Variants in NRCAM observed in about 807,000 individuals in gnomAD.
NRCAM encodes the protein neuronal cell adhesion molecule, also known as NgCAM-related cell adhesion molecule.
In NRCAM, 83 loss-of-function variants were observed where a neutral mutation model predicts 156.5. The observed-to-expected ratio is 0.53, with a 90% confidence interval of 0.44 to 0.64. The LOEUF (loss-of-function observed/expected upper bound fraction) is 0.64. NRCAM is among the 30% of genes least tolerant of loss of function. The pLI is 0.00. For synonymous variants in NRCAM, 538 were observed against 563.9 expected, an observed-to-expected ratio of 0.95 and a Z score of 0.65; for missense variants, 1,417 against 1,597.3, an observed-to-expected ratio of 0.89 and a Z score of 1.92.
chr7:108,156,713 G>A lies in NRCAM; in HGVS notation c.3677+2750C>T, dbSNP rs984397411. 3 of 152,204 alleles carry A rather than the reference G, an allele frequency of 2.0e-5. No homozygotes were observed. The East Asian group carries it at 5.8e-4, about 29-fold the overall frequency. 9.4% of individuals were successfully genotyped at this position (152,204 alleles called of 1,614,324 possible). On this transcript the variant is annotated intron_variant, in intron 32 of 32. Transcript: ENST00000379028. ...AGGCAATAGTCCTAATTTTGTATGT[G>A]TCTGGTCAGCATAATAATTTATTTT...
At chr7:108,370,585 G>A (rs1035595558) in intron 2 of NRCAM, among the ~76,000 whole-genome samples, 4 of 151,966 alleles carry the variant, frequency 2.6e-5, no homozygotes, top group African/African-American at 4.8e-5. Context: ...TAATAAAATC[G>A]TAACGTTTTT....
At chr7:108,253,084 C>T (rs1197595530) in intron 3 of NRCAM, among the ~76,000 whole-genome samples, 2 of 152,226 alleles carry the variant, frequency 1.3e-5, no homozygotes, top group Admixed American at 1.3e-4. Context: ...ATCTCAGCGT[C>T]TAAGGCACTT....
intron 13 of NRCAM, among the ~76,000 whole-genome samples, chr7:108,203,822 C>G (rs2079514614): frequency 6.6e-6 from 1 of 152,210 alleles, no homozygotes; most frequent in South Asian, 2.1e-4. Context: ...GGTCCACCTG[C>G]AATTTCTGCA....
chr7:108,310,045 A>G (rs1346935722), intron 3 of NRCAM, among the ~76,000 whole-genome samples: 1 of 152,170 alleles, frequency 6.6e-6, no homozygotes, highest in African/African-American at 2.4e-5. Flanking sequence ...TATAACTTTA[A>G]CAACTCGGTA....
At chr7:108,396,304 C>T (rs1218708660) in intron 2 of NRCAM, among the ~76,000 whole-genome samples, 1 of 152,192 alleles carries the variant, frequency 6.6e-6, no homozygotes, top group Non-Finnish European at 1.5e-5. Context: ...TTTGTACACG[C>T]ACTCTGATAA....
intron 3 of NRCAM, among the ~76,000 whole-genome samples, chr7:108,258,277 G>C (rs1448116109): frequency 6.6e-6 from 1 of 152,186 alleles, no homozygotes; most frequent in Non-Finnish European, 1.5e-5. Context: ...TGCGTGTGGT[G>C]CTTTCTCTTA....
At chr7:108,337,236 C>G (rs2099205681) in intron 2 of NRCAM, among the ~76,000 whole-genome samples, 1 of 149,842 alleles carries the variant, frequency 6.7e-6, no homozygotes, top group Non-Finnish European at 1.5e-5. Flanking sequence ...GCACTCCAGC[C>G]TGGGTGACAA....
chr7:108,399,818 T>C (rs186450799), intron 1 of NRCAM, among the ~76,000 whole-genome samples: 1 of 152,194 alleles, frequency 6.6e-6, no homozygotes, highest in East Asian at 1.9e-4. Context: ...GGTAACATAA[T>C]TCCAATTACA....
chr7:108,209,333 C>T (rs1399589032), intron 12 of NRCAM, 88 bp downstream of exon 12: 1 of 877,508 alleles, frequency 1.1e-6, no homozygotes, highest in Non-Finnish European at 1.7e-6. Context: ...TTACATTTAC[C>T]ATTACTAAAA....
intron 26 of NRCAM, 138 bp downstream of exon 26, chr7:108,177,852 G>A (rs889473346): frequency 3.3e-6 from 2 of 602,466 alleles, no homozygotes; most frequent in African/African-American, 1.9e-5. Flanking sequence ...AGATGAATAT[G>A]CGAATTCCCC....
At chr7:108,209,078 C>A (rs1361954551) in intron 12 of NRCAM, among the ~76,000 whole-genome samples, 1 of 152,168 alleles carries the variant, frequency 6.6e-6, no homozygotes, top group Non-Finnish European at 1.5e-5. Flanking sequence ...TGAAGCTATG[C>A]AAATATCCTG....
At chr7:108,357,480 G>A (rs1370912209) in intron 2 of NRCAM, among the ~76,000 whole-genome samples, 1 of 151,954 alleles carries the variant, frequency 6.6e-6, no homozygotes. Flanking sequence ...ACAGGTGCCT[G>A]CCACCACGAC....
At chr7:108,304,747 A>G (rs1266174100) in intron 3 of NRCAM, among the ~76,000 whole-genome samples, 1 of 152,118 alleles carries the variant, frequency 6.6e-6, no homozygotes, top group Non-Finnish European at 1.5e-5. Flanking sequence ...CTTATGGGGA[A>G]CCACATTTGA....
chr7:108,386,502 C>T (rs2099741299), intron 2 of NRCAM, among the ~76,000 whole-genome samples: 1 of 152,100 alleles, frequency 6.6e-6, no homozygotes, highest in Non-Finnish European at 1.5e-5. Context: ...TGTATTTTAA[C>T]AATGTCATCA....
chr7:108,240,162 TGCGG>T lies in NRCAM; in HGVS notation c.-102_-99del. 7 of 752,276 alleles carry T rather than the reference TGCGG, an allele frequency of 9.3e-6. No homozygotes were observed. The highest frequency in any genetic ancestry group is 9.1e-5 in the Admixed American group (4 of 44,030). The allele number at this position is 752,276 out of a possible 1,614,324, so 46.6% of individuals were successfully genotyped here. On this transcript the variant is annotated 5_prime_UTR_variant, in exon 4 of 33. Coordinates refer to ENST00000379028, the MANE Select transcript of NRCAM (RefSeq NM_001037132.4). ...GTGTGCAACGTTTAAGTAATTTTCATGCGGGAAACTGAAAAAGGATAGAGTAGGA... is the reference window on the plus strand; with the variant it reads ...GTGTGCAACGTTTAAGTAATTTTCATGAAACTGAAAAAGGATAGAGTAGGA...
intron 2 of NRCAM, chr7:108,328,438 C>T (rs2099093033): frequency 6.6e-6 from 1 of 152,204 alleles, no homozygotes; most frequent in Non-Finnish European, 1.5e-5. Context: ...ATGAAGTTAT[C>T]TTACTGCTTT....
At chr7:108,378,632 AACACACACACACACACACACACAC>A (rs3077977) in intron 2 of NRCAM, among the ~76,000 whole-genome samples, 89 of 115,982 alleles carry the variant, frequency 7.7e-4, no homozygotes, top group African/African-American at 1.4e-3. Context: ...AGCAGGATTC[AACACACACACACACACACACACAC>A]ACACACACAC....
At chr7:108,296,413 A>G (rs1325530349) in intron 3 of NRCAM, among the ~76,000 whole-genome samples, 1 of 152,214 alleles carries the variant, frequency 6.6e-6, no homozygotes, top group Non-Finnish European at 1.5e-5. Context: ...AGCAAGGATC[A>G]GAGCAGAAAG....
intron 6 of NRCAM, among the ~76,000 whole-genome samples, chr7:108,233,646 C>T (rs1452583644): frequency 6.6e-6 from 1 of 152,116 alleles, no homozygotes; most frequent in Non-Finnish European, 1.5e-5. Flanking sequence ...TGAGGCAAAC[C>T]TTTGCTGGAA....
Sources: allele counts gnomAD v4.1 joint callset (sites outside exome capture counted in the v4.1 genomes callset), GRCh38; gene constraint gnomAD v4.1.1; transcripts MANE v1.5; gene names NCBI Gene and HGNC (gene_info 2026-07-23, HGNC 2026-07-21).